STS: variants seen among roughly 807,000 people sequenced by gnomAD.
STS encodes steryl-sulfatase.
STS carries 7 observed loss-of-function variants against 26.8 expected under a neutral mutation model. The observed-to-expected ratio is 0.26, with a 90% CI of 0.15 to 0.49. The LOEUF is 0.49. Ranked by LOEUF, STS falls within the 20% of genes least tolerant of loss-of-function variation. The pLI, the probability that STS is intolerant of heterozygous loss-of-function variation, is 0.98. For synonymous variants in STS, 199 were observed against 189.4 expected (o/e 1.05, Z -0.42); for missense variants, 434 against 465.6 (o/e 0.93, Z 0.63).
intron 6 of STS, among the ~76,000 whole-genome samples, chrX:7,272,440 A>G (rs1924326378): frequency 9.0e-6 from 1 of 111,233 alleles, no homozygotes; most frequent in Admixed American, 9.6e-5. Context: ...CAACTGTTAC[A>G]TAAGCCACAT....
chrX:7,332,732 T>C (rs1927816410), intron 9 of STS, among the ~76,000 whole-genome samples: 1 of 111,442 alleles, frequency 9.0e-6, no homozygotes, highest in African/African-American at 3.3e-5. Context: ...CCACGCACAA[T>C]GACTGCCATT....
At chrX:7,242,389 T>A (rs1326419342) in intron 2 of STS, among the ~76,000 whole-genome samples, 1 of 109,083 alleles carries the variant, frequency 9.2e-6, no homozygotes, top group Non-Finnish European at 1.9e-5. Flanking sequence ...CCTTGCTGAA[T>A]CAATAAGTAC....
intron 1 of STS, among the ~76,000 whole-genome samples, chrX:7,168,996 T>C (rs1457771067): frequency 8.9e-6 from 1 of 111,842 alleles, no homozygotes; most frequent in Non-Finnish European, 1.9e-5. Context: ...GAGATGAAAT[T>C]CTTATAAAAT....
chrX:7,241,228 T>A (rs1026035518), intron 2 of STS, among the ~76,000 whole-genome samples: 6 of 112,065 alleles, frequency 5.4e-5, no homozygotes, highest in Non-Finnish European at 1.1e-4. Flanking sequence ...TTCTCTTTTG[T>A]ACATTTATAA....
intron 1 of STS, among the ~76,000 whole-genome samples, chrX:7,182,719 C>T (rs1351982491): frequency 9.0e-6 from 1 of 110,870 alleles, no homozygotes; most frequent in East Asian, 2.8e-4. Context: ...GCCTTGCCTT[C>T]CCTGTCTACC....
chrX:7,207,093 G>C (rs1920955657), intron 2 of STS, among the ~76,000 whole-genome samples: 1 of 111,566 alleles, frequency 9.0e-6, no homozygotes, highest in African/African-American at 3.3e-5. Context: ...AGGAGGCTGA[G>C]GTGGGAGGAT....
At chrX:7,344,156 A>G (rs1485338070) in intron 10 of STS, among the ~76,000 whole-genome samples, 2 of 111,628 alleles carry the variant, frequency 1.8e-5, no homozygotes, top group Non-Finnish European at 3.8e-5. Flanking sequence ...TTGTGCTATG[A>G]TAACTATTAG....
intron 1 of STS, among the ~76,000 whole-genome samples, chrX:7,172,147 C>T (rs879189005): frequency 9.0e-6 from 1 of 111,592 alleles, no homozygotes; most frequent in Admixed American, 9.6e-5. Context: ...TGTTTGAACA[C>T]AGGTCATGTG....
chrX:7,347,746 G>C (rs1198437590), intron 10 of STS, among the ~76,000 whole-genome samples: 1 of 111,732 alleles, frequency 8.9e-6, no homozygotes, highest in African/African-American at 3.3e-5. Flanking sequence ...AGCAAGAGAG[G>C]CTTCCTGGCT....
chrX:7,260,185 G>A (rs1161000130), intron 6 of STS, among the ~76,000 whole-genome samples: 1 of 111,986 alleles, frequency 8.9e-6, no homozygotes, highest in Admixed American at 9.4e-5. Flanking sequence ...AGAACTGGTA[G>A]GGTTATTATG....
At position 7,301,603 on chromosome X, in the gene STS, G is replaced by A. The variant is rs186046092; in HGVS notation, c.944-3443G>A. On this transcript the variant is annotated intron_variant, in intron 7 of 10. Coordinates refer to ENST00000674429, the MANE Select transcript of STS (RefSeq NM_001320752.2). ...TAGTTTCCATTAGGGTTCACTCTTC[G>A]TGTTGTATGTTCTGTGGGTTTGGAC... Among the ~76,000 whole-genome samples the A allele has an allele frequency of 7.2e-5, 8 of 111,345 alleles. No individual in the cohort carries two copies. In the South Asian group the frequency reaches 1.1e-3, roughly 16 times the overall value.
At chrX:7,349,818 C>T in intron 10 of STS, 70 bp from the exon 11 acceptor site, 1 of 1,192,508 alleles carries the variant, frequency 8.4e-7, no homozygotes, top group Non-Finnish European at 1.1e-6. Flanking sequence ...ATTTCCGCAT[C>T]ACTTTTTCAT....
intron 2 of STS, among the ~76,000 whole-genome samples, chrX:7,200,983 T>TGGAC (rs1397282924): frequency 1.8e-5 from 2 of 110,919 alleles, no homozygotes; most frequent in Non-Finnish European, 3.8e-5. Flanking sequence ...GATGGATGGA[T>TGGAC]GGATGATAGA....
At chrX:7,233,188 G>C (rs1922157814) in intron 2 of STS, among the ~76,000 whole-genome samples, 1 of 105,149 alleles carries the variant, frequency 9.5e-6, no homozygotes, top group South Asian at 4.4e-4. Context: ...CTGCCTCCAG[G>C]GTTCAAGCAA....
chrX:7,313,572 A>T (rs1926578340), intron 8 of STS, among the ~76,000 whole-genome samples: 1 of 112,534 alleles, frequency 8.9e-6, no homozygotes, highest in Admixed American at 9.4e-5. Context: ...GTCAGTATTT[A>T]GTCCTCCAGC....
intron 8 of STS, among the ~76,000 whole-genome samples, chrX:7,321,289 G>A (rs1186059144): frequency 9.0e-6 from 1 of 111,405 alleles, no homozygotes; most frequent in South Asian, 3.8e-4. Context: ...GAGGGAAAGA[G>A]GAGGAGGGAG....
chrX:7,338,479 A>G (rs886885107), intron 10 of STS, among the ~76,000 whole-genome samples: 4 of 112,186 alleles, frequency 3.6e-5, no homozygotes, highest in Admixed American at 9.5e-5. Context: ...CATGTAGACA[A>G]GAAAGTCACA....
intron 7 of STS, among the ~76,000 whole-genome samples, chrX:7,288,855 G>A (rs1429146311): frequency 1.8e-5 from 2 of 111,548 alleles, no homozygotes; most frequent in Non-Finnish European, 3.8e-5. Flanking sequence ...TTCTGCAAGG[G>A]CTATGCAGAG....
In STS at chrX:7,345,618, T is replaced by C. The variant is rs146244792; in HGVS notation, c.1364-4270T>C. Among the ~76,000 whole-genome samples the C allele has an allele frequency of 1.3e-3, 150 of 111,504 alleles. 1 individual carries two copies. In the East Asian group the frequency reaches 0.021, roughly 16 times the overall value. On this transcript the variant is annotated intron_variant, in intron 10 of 10. Coordinates refer to ENST00000674429, the MANE Select transcript of STS (RefSeq NM_001320752.2). ...CTGTTAAGAATCCTTCGTTATCATG[T>C]CATGCTTCAAGGCCCAGGAGAGGCC...
Sources: allele counts gnomAD v4.1 joint callset (sites outside exome capture counted in the v4.1 genomes callset), GRCh38; gene constraint gnomAD v4.1.1; transcripts MANE v1.5; gene names NCBI Gene and HGNC (gene_info 2026-07-23, HGNC 2026-07-21).